Variants in AGR3 observed in about 807,000 individuals in gnomAD.
AGR3 encodes anterior gradient protein 3.
A neutral mutation model predicts 24.5 loss-of-function variants in AGR3; 37 were observed. That is an observed-to-expected ratio of 1.51 (90% CI 1.16 to 1.99). The LOEUF is 1.99. AGR3 is among the 30% of genes most tolerant of loss of function. The pLI is 0.00. For synonymous variants in AGR3, 75 were observed against 61.6 expected (o/e 1.22, Z -1.02); for missense variants, 228 against 191.1 (o/e 1.19, Z -1.14).
At chr7:16,858,501 A>T (rs1451121674), downstream of AGR3, among the ~76,000 whole-genome samples, 1 of 152,214 alleles carries the variant, frequency 6.6e-6, no homozygotes, top group Non-Finnish European at 1.5e-5. Context: ...TTAATTGGAG[A>T]AATTCTTCAT....
At chr7:16,870,543 G>A (rs560281913) in intron 3 of AGR3, among the ~76,000 whole-genome samples, 4 of 152,052 alleles carry the variant, frequency 2.6e-5, no homozygotes, top group African/African-American at 9.6e-5. Flanking sequence ...TTGGAATGCT[G>A]TTGTTGGGAT....
rs148279342 is a variant in AGR3, at chr7:16,878,960, C to T, written c.-27-315G>A. 2.1e-3 allele frequency among the ~76,000 whole-genome samples: 322 copies of T among 152,236 alleles called. 1 individual carries two copies. The highest frequency in any genetic ancestry group is 7.0e-3 in the African/African-American group (291 of 41,524). ...CCCTGTAGTGTTCACACCAACAAGACGAAACTCAAATAAGATCATGTTGTT... is the reference window on the plus strand; with the variant it reads ...CCCTGTAGTGTTCACACCAACAAGATGAAACTCAAATAAGATCATGTTGTT... On this transcript the variant is annotated intron_variant, in intron 1 of 7. Transcript: ENST00000310398.
At chr7:16,872,060 A>G (rs963092862) in intron 3 of AGR3, among the ~76,000 whole-genome samples, 23 of 149,794 alleles carry the variant, frequency 1.5e-4, no homozygotes, top group African/African-American at 4.7e-4. Context: ...TGCAATCTCT[A>G]TCAAAATACC....
chr7:16,877,940 A>G (rs1782021723), intron 2 of AGR3, among the ~76,000 whole-genome samples: 1 of 152,044 alleles, frequency 6.6e-6, no homozygotes, highest in African/African-American at 2.4e-5. Context: ...TCTTGGGCCA[A>G]GTAAAACAGT....
At chr7:16,861,507 G>T (rs1781643483) in intron 5 of AGR3, 60 bp from the exon 6 acceptor site, 1 of 1,446,688 alleles carries the variant, frequency 6.9e-7, no homozygotes. Flanking sequence ...ATAGTTTCAA[G>T]ATGATTTTGT....
chr7:16,879,980 T>A (rs1782070676), intron 1 of AGR3, among the ~76,000 whole-genome samples: 1 of 152,010 alleles, frequency 6.6e-6, no homozygotes, highest in Non-Finnish European at 1.5e-5. Flanking sequence ...CTCTATGGAC[T>A]GAAAATAGTT....
intron 3 of AGR3, among the ~76,000 whole-genome samples, chr7:16,869,633 A>G (rs1781826394): frequency 6.7e-6 from 1 of 150,320 alleles, no homozygotes; most frequent in East Asian, 2.0e-4. Context: ...AGGCTGAGGC[A>G]GGAGGATCGC....
At chr7:16,857,540 T>C (rs1781570606), downstream of AGR3, among the ~76,000 whole-genome samples, 1 of 152,194 alleles carries the variant, frequency 6.6e-6, no homozygotes, top group Non-Finnish European at 1.5e-5. Context: ...CAGCTATATT[T>C]CTTTAGTCTT....
chr7:16,881,533 A>G (rs1176570115), intron 1 of AGR3, among the ~76,000 whole-genome samples: 3 of 152,220 alleles, frequency 2.0e-5, no homozygotes, highest in Non-Finnish European at 2.9e-5. Context: ...GCACATAACC[A>G]TATGTCAGCA....
chr7:16,866,062 C>G (rs1781752837), intron 3 of AGR3: 2 of 619,570 alleles, frequency 3.2e-6, no homozygotes, highest in Non-Finnish European at 6.0e-6. Context: ...GACAGATAGT[C>G]TTTTGAATTT....
chr7:16,861,070 A>G (rs1015577927), intron 6 of AGR3, among the ~76,000 whole-genome samples: 1 of 152,160 alleles, frequency 6.6e-6, no homozygotes, highest in Admixed American at 6.5e-5. Flanking sequence ...GTTTTCATAC[A>G]TGTCAGTTCA....
chr7:16,871,141 G>T (rs1205659764), intron 3 of AGR3, among the ~76,000 whole-genome samples: 2 of 152,242 alleles, frequency 1.3e-5, no homozygotes, highest in East Asian at 3.9e-4. Flanking sequence ...TACTCAAATT[G>T]CTCTAATATT....
At chr7:16,868,006 T>C (rs1158987191) in intron 3 of AGR3, among the ~76,000 whole-genome samples, 1 of 152,188 alleles carries the variant, frequency 6.6e-6, no homozygotes, top group East Asian at 1.9e-4. Context: ...TTCTCTTTTC[T>C]CCACATTCTT....
At chr7:16,876,267 C>T (rs1269536565) in intron 2 of AGR3, among the ~76,000 whole-genome samples, 1 of 152,136 alleles carries the variant, frequency 6.6e-6, no homozygotes, top group African/African-American at 2.4e-5. Flanking sequence ...CTAATTCTAG[C>T]CCTATCTCTA....
downstream of AGR3, among the ~76,000 whole-genome samples, chr7:16,856,566 C>T (rs554609308): frequency 3.2e-4 from 48 of 152,238 alleles, no homozygotes; most frequent in African/African-American, 7.7e-4. Context: ...TATGTGGCAA[C>T]GCTGGACTTT....
intron 3 of AGR3, 172 bp downstream of exon 3, chr7:16,873,608 C>T (rs1781926176): frequency 1.7e-6 from 1 of 590,790 alleles, no homozygotes; most frequent in Non-Finnish European, 3.0e-6. Flanking sequence ...TTTGAGTGTT[C>T]CCACCAGAAA....
intron 5 of AGR3, among the ~76,000 whole-genome samples, chr7:16,861,775 C>A (rs1285847954): frequency 6.6e-6 from 1 of 151,872 alleles, no homozygotes; most frequent in African/African-American, 2.4e-5. Flanking sequence ...GTGGCAGGTG[C>A]CTGTAGTCCC....
chr7:16,861,460 G>GA lies in AGR3; in HGVS notation c.304-14dup, dbSNP rs112273298. On this transcript the variant is annotated splice_polypyrimidine_tract_variant and intron_variant, in intron 5 of 7. Coordinates refer to ENST00000310398, the MANE Select transcript of AGR3 (RefSeq NM_176813.5). ...CAGTGGTTTCATGCTAGCAGGAGAA[G>GA]AAAAAAAAAGAATGTTATTGGATTC... 4.6e-4 allele frequency: 719 copies of GA among 1,567,338 alleles called. 1 individual carries two copies. Among genetic ancestry groups the GA allele is most frequent in the Admixed American group, 7.6e-4 (41 of 54,178 alleles).
chr7:16,868,855 G>C (rs1050738727), intron 3 of AGR3, among the ~76,000 whole-genome samples: 15 of 152,088 alleles, frequency 9.9e-5, no homozygotes, highest in Non-Finnish European at 1.5e-4. Context: ...TGGCTGAATA[G>C]TATTTTATTG....
Sources: gnomAD v4.1 joint callset for allele counts (sites outside exome capture counted in the v4.1 genomes callset) on GRCh38, gnomAD v4.1.1 for gene constraint, MANE v1.5 for transcripts, NCBI Gene and HGNC (gene_info 2026-07-23, HGNC 2026-07-21) for gene names.